Variants in CFDP1 observed in about 807,000 individuals in gnomAD.
The protein encoded by CFDP1 is chromatin remodeling protein CFDP1.
Under a neutral mutation model 40.1 loss-of-function variants are expected in CFDP1, and 31 were observed. That is an observed-to-expected ratio of 0.77 (90% CI 0.58 to 1.04). CFDP1 has a LOEUF of 1.04. Ranked by LOEUF, CFDP1 falls within the 50% of genes least tolerant of loss-of-function variation. The pLI is 0.00. For missense variants in CFDP1, 423 were observed against 343.4 expected (o/e 1.23, Z -1.83); for synonymous variants, 167 against 120.0 (o/e 1.39, Z -2.56).
chr16:75,352,692 C>A (rs78917650), intron 5 of CFDP1, among the ~76,000 whole-genome samples: 3,353 of 152,160 alleles, frequency 0.022, 70 homozygotes, highest in African/African-American at 0.054. Context: ...ATATGCATTC[C>A]GTACAAACTA....
chr16:75,421,149 G>A (rs1184734529), intron 1 of CFDP1, among the ~76,000 whole-genome samples: 4 of 152,272 alleles, frequency 2.6e-5, no homozygotes, highest in African/African-American at 9.6e-5. Context: ...CAGCGGGGAG[G>A]AGCCCGGCCC....
intron 5 of CFDP1, among the ~76,000 whole-genome samples, chr16:75,388,497 C>T (rs2078919611): frequency 6.6e-6 from 1 of 152,066 alleles, no homozygotes; most frequent in Non-Finnish European, 1.5e-5. Context: ...ATGAGTAAAG[C>T]CACTGAGTAG....
chr16:75,319,179 G>C (rs183911766), intron 5 of CFDP1, among the ~76,000 whole-genome samples: 8 of 152,262 alleles, frequency 5.3e-5, no homozygotes, highest in Admixed American at 4.6e-4. Flanking sequence ...GAGTAGCTGG[G>C]ATTACAGGCA....
At position 75,412,726 on chromosome 16, in the gene CFDP1, CTAA is replaced by C. The variant is rs763983446; in HGVS notation, c.208_210del (p.Leu70del). 1.9e-6 allele frequency: 3 copies of C among 1,613,688 alleles called. No individual in the cohort carries two copies. The highest frequency in any genetic ancestry group is 1.7e-6 in the Non-Finnish European group (2 of 1,179,910). On this transcript the variant is annotated inframe_deletion, in exon 3 of 7. Transcript: ENST00000283882. Reference sequence around the variant, plus strand: ...TTGGCATCCTCCTCTTCCTCTTCTTCTAATGAGAGGCCACCTTGTCTTCTCTTC... The same window carrying C: ...TTGGCATCCTCCTCTTCCTCTTCTTCTGAGAGGCCACCTTGTCTTCTCTTC...
At chr16:75,423,921 G>GATA (rs1171817674) in intron 1 of CFDP1, among the ~76,000 whole-genome samples, 8 of 152,160 alleles carry the variant, frequency 5.3e-5, no homozygotes, top group African/African-American at 1.9e-4. Flanking sequence ...GGAAACCACA[G>GATA]ATACAGAAGG....
intron 5 of CFDP1, chr16:75,372,594 G>A (rs190437758): frequency 2.4e-4 from 37 of 152,314 alleles, no homozygotes; most frequent in African/African-American, 8.7e-4. Flanking sequence ...GAAAACCTAA[G>A]TGAGTTATTC....
At chr16:75,319,608 T>C (rs1428192388) in intron 5 of CFDP1, among the ~76,000 whole-genome samples, 1 of 152,188 alleles carries the variant, frequency 6.6e-6, no homozygotes, top group Non-Finnish European at 1.5e-5. Context: ...GGGTAGCAGC[T>C]CTGGCCTCCT....
intron 1 of CFDP1, among the ~76,000 whole-genome samples, chr16:75,425,128 T>A (rs1196218888): frequency 6.6e-6 from 1 of 152,172 alleles, no homozygotes; most frequent in East Asian, 1.9e-4. Context: ...ATAAGATCGT[T>A]AAATTGTCAA....
intron 5 of CFDP1, among the ~76,000 whole-genome samples, chr16:75,324,004 G>T (rs891151719): frequency 6.6e-6 from 1 of 152,178 alleles, no homozygotes; most frequent in Non-Finnish European, 1.5e-5. Context: ...ACCTTGCAGG[G>T]TAATGATTAA....
At chr16:75,405,885 C>A (rs942676657) in intron 4 of CFDP1, among the ~76,000 whole-genome samples, 1 of 151,080 alleles carries the variant, frequency 6.6e-6, no homozygotes, top group African/African-American at 2.4e-5. Flanking sequence ...CGCCACTGCA[C>A]TCCAGCCTGG....
intron 6 of CFDP1, among the ~76,000 whole-genome samples, chr16:75,301,103 A>T (rs747058904): frequency 1.1e-4 from 16 of 152,202 alleles, no homozygotes; most frequent in Admixed American, 3.3e-4. Flanking sequence ...GGGAGAAAGA[A>T]AAGCGAGCAC....
At chr16:75,427,193 C>A (rs1597409746) in intron 1 of CFDP1, among the ~76,000 whole-genome samples, 1 of 151,944 alleles carries the variant, frequency 6.6e-6, no homozygotes, top group Admixed American at 6.6e-5. Context: ...CAAACAGGAA[C>A]ATGAAAAGAG....
At chr16:75,335,480 C>T (rs911834138) in intron 5 of CFDP1, among the ~76,000 whole-genome samples, 1 of 151,932 alleles carries the variant, frequency 6.6e-6, no homozygotes, top group African/African-American at 2.4e-5. Context: ...CATATACAAT[C>T]ATTAACAGTT....
intron 4 of CFDP1, among the ~76,000 whole-genome samples, chr16:75,398,788 G>C (rs1567671938): frequency 2.0e-5 from 3 of 151,768 alleles, no homozygotes; most frequent in African/African-American, 7.3e-5. Flanking sequence ...GGGCGTGGTG[G>C]TCATGCCTGT....
chr16:75,415,064 TA>T (rs1467646469), intron 1 of CFDP1, among the ~76,000 whole-genome samples: 1 of 152,252 alleles, frequency 6.6e-6, no homozygotes, highest in South Asian at 2.1e-4. Flanking sequence ...TCAATTCTAC[TA>T]ATGTGTTTCT....
chr16:75,405,514 G>A (rs1489679129), intron 4 of CFDP1, among the ~76,000 whole-genome samples: 1 of 151,764 alleles, frequency 6.6e-6, no homozygotes, highest in Non-Finnish European at 1.5e-5. Flanking sequence ...TTGGGAGGCT[G>A]AGGCGGGCAG....
chr16:75,403,669 A>C (rs1176247926), intron 4 of CFDP1, among the ~76,000 whole-genome samples: 1 of 152,222 alleles, frequency 6.6e-6, no homozygotes, highest in African/African-American at 2.4e-5. Flanking sequence ...TTTTAAACCT[A>C]TATTCCTAAC....
intron 4 of CFDP1, among the ~76,000 whole-genome samples, chr16:75,411,410 C>A (rs2079161685): frequency 6.6e-6 from 1 of 152,006 alleles, no homozygotes; most frequent in Non-Finnish European, 1.5e-5. Flanking sequence ...GACTCCGTCT[C>A]AGAAAAAGAA....
At chr16:75,349,786 G>C (rs536128034) in intron 5 of CFDP1, among the ~76,000 whole-genome samples, 5 of 141,880 alleles carry the variant, frequency 3.5e-5, no homozygotes, top group South Asian at 2.4e-4. Context: ...TCAATTTTTA[G>C]TGGATTGCTT....
Sources: allele counts gnomAD v4.1 joint callset (sites outside exome capture counted in the v4.1 genomes callset), GRCh38; gene constraint gnomAD v4.1.1; transcripts MANE v1.5; gene names NCBI Gene and HGNC (gene_info 2026-07-23, HGNC 2026-07-21).